The following CARMIL1 variants were observed in gnomAD, a reference collection of about 807,000 sequenced individuals.
CARMIL1 encodes the protein F-actin-uncapping protein LRRC16A.
CARMIL1 carries 90 observed loss-of-function variants against 177.1 expected under a neutral mutation model. The ratio of observed to expected loss-of-function variants is 0.51; its 90% CI spans 0.43 to 0.61. The LOEUF is 0.61. Among genes scored for constraint, CARMIL1 ranks in the 20% least tolerant of loss-of-function variants. The pLI is 0.00. For missense variants in CARMIL1, 1,380 were observed against 1,667.0 expected, an observed-to-expected ratio of 0.83 and a Z score of 3.00; for synonymous variants, 577 against 606.2, an observed-to-expected ratio of 0.95 and a Z score of 0.71.
rs747853218 is a variant in CARMIL1, at chr6:25,500,624, T to A, written c.1395+389T>A. ...GGATTTTGTAGAGCGTGAAAGAGAATGGCTGTCTTATTAATTTTACTTTTT... is the reference window on the plus strand; with the variant it reads ...GGATTTTGTAGAGCGTGAAAGAGAAAGGCTGTCTTATTAATTTTACTTTTT... On this transcript the variant is annotated intron_variant, in intron 17 of 36. Transcript: ENST00000329474. 1.0e-3 allele frequency among the ~76,000 whole-genome samples: 159 copies of A among 152,224 alleles called. 2 individuals are homozygous for A. Among genetic ancestry groups the A allele is most frequent in the Admixed American group, 2.4e-3 (36 of 15,286 alleles).
intron 33 of CARMIL1, among the ~76,000 whole-genome samples, chr6:25,601,383 G>A (rs1010876635): frequency 1.3e-5 from 2 of 152,098 alleles, no homozygotes; most frequent in African/African-American, 4.8e-5. Context: ...GATGTTCCGG[G>A]GCCAGGTGAA....
At position 25,488,523 on chromosome 6, in the gene CARMIL1, A is replaced by G. The variant is rs78058330; in HGVS notation, c.1003A>G (p.Thr335Ala). 6.2e-7 allele frequency: 1 copy of G among 1,613,944 alleles called. No homozygotes were observed. The highest frequency in any genetic ancestry group is 1.1e-5 in the South Asian group (1 of 91,078). Residue 335 changes from threonine (T) to alanine (A), a missense_variant, in exon 13 of 37, where the codon ACC becomes GCC. By Grantham distance (58) the Thr-to-Ala change is moderately conservative. Coordinates refer to ENST00000329474, the MANE Select transcript of CARMIL1 (RefSeq NM_017640.6). ...LSQSLSANPL[T>A]ASTLVHLDLS... ...TCAGTCACTCAGTGCCAATCCATTG[A>G]CCGCCTCTACCCTTGTCCACCTCGA...
chr6:25,615,749 T>C (rs1040650549), intron 36 of CARMIL1, among the ~76,000 whole-genome samples: 1 of 152,228 alleles, frequency 6.6e-6, no homozygotes. Flanking sequence ...TGCTAGAAAG[T>C]ATAAAAAATC....
chr6:25,314,185 C>G (rs1367052950), intron 2 of CARMIL1, among the ~76,000 whole-genome samples: 1 of 134,960 alleles, frequency 7.4e-6, no homozygotes, highest in Non-Finnish European at 1.6e-5. Flanking sequence ...GCTGTGGCTC[C>G]TGACCTTGTG....
intron 8 of CARMIL1, among the ~76,000 whole-genome samples, chr6:25,463,158 A>C (rs1040713893): frequency 6.6e-6 from 1 of 151,800 alleles, no homozygotes; most frequent in Admixed American, 6.6e-5. Flanking sequence ...TTAAAAACAT[A>C]ATAATTTTGT....
Position 25,488,539 on chromosome 6 carries a change from T to C in CARMIL1, c.1019T>C (p.Val340Ala). ...AATCCATTGACCGCCTCTACCCTTG[T>C]CCACCTCGACCTCTCAGGGAACGTC... ...SANPLTASTLVHLDLSGNVLR... is the reference protein window; with the variant it reads ...SANPLTASTLAHLDLSGNVLR... The change falls in exon 13 of 37, where the codon GTC becomes GCC. Residue 340 changes from valine to alanine, a missense_variant. Physicochemically the swap from Val to Ala is moderately conservative, Grantham distance 64. Transcript: ENST00000329474. The C allele has an allele frequency of 1.2e-6, 2 of 1,614,032 alleles. No individual in the cohort carries two copies. Among genetic ancestry groups the C allele is most frequent in the Non-Finnish European group, 1.7e-6 (2 of 1,179,880 alleles).
intron 5 of CARMIL1, among the ~76,000 whole-genome samples, chr6:25,440,279 T>A (rs1797622573): frequency 6.6e-6 from 1 of 152,208 alleles, no homozygotes; most frequent in Non-Finnish European, 1.5e-5. Flanking sequence ...AGGCTGGCTT[T>A]GCAGAGGAGA....
At chr6:25,285,993 T>A (rs1781491423) in intron 2 of CARMIL1, among the ~76,000 whole-genome samples, 1 of 152,246 alleles carries the variant, frequency 6.6e-6, no homozygotes, top group East Asian at 1.9e-4. Context: ...CACCTCAGCC[T>A]CCTGAGTAGC....
Position 25,465,938 on chromosome 6 carries a change from A to T in CARMIL1, c.680A>T (p.Asp227Val), listed in dbSNP as rs1215092049. 1 of 1,607,044 alleles carries T rather than the reference A, an allele frequency of 6.2e-7. No individual in the cohort carries two copies. The highest frequency in any genetic ancestry group is 1.7e-5 in the Admixed American group (1 of 59,990). ...TGGTTCACAAAACTGTCCTCTAAGGATCTAAAACTGGTAAGTAATCAAACA... is the reference window on the plus strand; with the variant it reads ...TGGTTCACAAAACTGTCCTCTAAGGTTCTAAAACTGGTAAGTAATCAAACA... ...NQWFTKLSSK[D>V]LKLSTDVCEQ... The change falls in exon 9 of 37, where the codon GAT becomes GTT. Residue 227 changes from aspartate to valine, a missense_variant. Coordinates refer to ENST00000329474, the MANE Select transcript of CARMIL1 (RefSeq NM_017640.6).
In CARMIL1 at chr6:25,537,872, T is replaced by C; in HGVS notation, c.2085T>C (p.Cys695=). The part of the protein sequence containing the change: ...STTQQMIDRI[C]VKVQDHLNSL... ...TGGAGCAGATGATTGACAGAATATGTGTGAAAGTACAAGATCATCTCAACT... is the reference window on the plus strand; with the variant it reads ...TGGAGCAGATGATTGACAGAATATGCGTGAAAGTACAAGATCATCTCAACT... Residue 695 remains cysteine (C), a synonymous_variant, in exon 25 of 37, where the codon TGT becomes TGC. Transcript: ENST00000329474. The C allele has an allele frequency of 6.2e-7, 1 of 1,610,970 alleles. No homozygotes were observed. The highest frequency in any genetic ancestry group is 8.5e-7 in the Non-Finnish European group (1 of 1,178,838).
At position 25,491,866 on chromosome 6, in the gene CARMIL1, A is replaced by G. The variant is rs1803270682; in HGVS notation, c.1143+57A>G. ...GAGGGGTCTCAGAAGAGCTATTTAG[A>G]TGGGATGTAGGGGACCTCTAATAAA... On this transcript the variant is annotated intron_variant, in intron 14 of 36. Coordinates refer to ENST00000329474, the MANE Select transcript of CARMIL1 (RefSeq NM_017640.6). 2.6e-6 allele frequency: 4 copies of G among 1,526,742 alleles called. No homozygotes were observed. The Admixed American group carries it at 5.3e-5, about 20-fold the overall frequency. The allele number at this position is 1,526,742 out of a possible 1,614,324, so 94.6% of individuals were successfully genotyped here.
At chr6:25,524,815 T>G (rs1397840378) in intron 23 of CARMIL1, among the ~76,000 whole-genome samples, 1 of 152,054 alleles carries the variant, frequency 6.6e-6, no homozygotes, top group African/African-American at 2.4e-5. Context: ...ATACTAGAGA[T>G]AAGAAACCTG....
intron 29 of CARMIL1, among the ~76,000 whole-genome samples, chr6:25,574,372 T>C (rs1203437440): frequency 6.6e-6 from 1 of 152,220 alleles, no homozygotes; most frequent in Non-Finnish European, 1.5e-5. Context: ...TTTGCCAATA[T>C]ACACTGGAAC....
intron 2 of CARMIL1, among the ~76,000 whole-genome samples, chr6:25,300,199 T>TA (rs1782741286): frequency 6.6e-6 from 1 of 152,206 alleles, no homozygotes. Flanking sequence ...TATATGCATT[T>TA]AAAATGCTTA....
intron 24 of CARMIL1, among the ~76,000 whole-genome samples, chr6:25,529,525 A>G (rs1807506705): frequency 6.6e-6 from 1 of 152,224 alleles, no homozygotes; most frequent in Non-Finnish European, 1.5e-5. Flanking sequence ...TCTATGTGTC[A>G]AAGAGCGAGA....
chr6:25,390,557 A>T (rs1792701133), intron 2 of CARMIL1, among the ~76,000 whole-genome samples: 2 of 151,902 alleles, frequency 1.3e-5, no homozygotes, highest in Admixed American at 1.3e-4. Context: ...TTTGGGCTCA[A>T]GCAATCTGCC....
At chr6:25,612,905 C>T in intron 36 of CARMIL1, 1 of 985,344 alleles carries the variant, frequency 1.0e-6, no homozygotes, top group Non-Finnish European at 1.2e-6. Context: ...CTTCGATTAT[C>T]ATCCCTCACT....
At chr6:25,310,299 AG>A (rs1227737924) in intron 2 of CARMIL1, among the ~76,000 whole-genome samples, 1 of 152,218 alleles carries the variant, frequency 6.6e-6, no homozygotes, top group African/African-American at 2.4e-5. Flanking sequence ...AGACTTAATT[AG>A]GGAGTCAGGG....
At chr6:25,449,215 T>C (rs547421201) in intron 5 of CARMIL1, among the ~76,000 whole-genome samples, 4 of 152,330 alleles carry the variant, frequency 2.6e-5, no homozygotes, top group Admixed American at 6.5e-5. Context: ...GGTACTATTA[T>C]CATTTTTTCT....
Sources: gnomAD v4.1 joint callset for allele counts (sites outside exome capture counted in the v4.1 genomes callset) on GRCh38, gnomAD v4.1.1 for gene constraint, MANE v1.5 for transcripts, NCBI Gene and HGNC (gene_info 2026-07-23, HGNC 2026-07-21) for gene names.